PISD: variants seen among roughly 807,000 people sequenced by gnomAD.
PISD encodes phosphatidylserine decarboxylase proenzyme, mitochondrial.
PISD carries 31 observed loss-of-function variants against 43.5 expected under a neutral mutation model. The ratio of observed to expected loss-of-function variants is 0.71; its 90% confidence interval spans 0.54 to 0.96. The LOEUF is 0.96. Among genes scored for constraint, PISD ranks in the 40% least tolerant of loss-of-function variants. The pLI is 0.00. For synonymous variants in PISD, 259 were observed against 228.7 expected (o/e 1.13, Z -1.20); for missense variants, 523 against 548.4 (o/e 0.95, Z 0.46).
rs192033326 is a variant in PISD at position 31,618,708 on chromosome 22, T to A, written c.*904A>T. ...GGGCTCCCCAGGCCTGCGTTCCTGA[T>A]AAACTGGGACAGGTTTTCCAGGCAC... On this transcript the variant is annotated 3_prime_UTR_variant, in exon 8 of 8. Transcript: ENST00000439502. The A allele has an allele frequency of 1.7e-5, 5 of 297,960 alleles. No individual in the cohort carries two copies. The highest frequency in any genetic ancestry group is 1.1e-4 in the African/African-American group (5 of 46,232). 18.5% of individuals were successfully genotyped at this position (297,960 alleles called of 1,614,324 possible).
At chr22:31,626,784 ATGC>A (rs930451201) in intron 3 of PISD, among the ~76,000 whole-genome samples, 3 of 152,230 alleles carry the variant, frequency 2.0e-5, no homozygotes, top group African/African-American at 7.2e-5. Flanking sequence ...AAGAGCAAAC[ATGC>A]TGAAGCTGTG....
chr22:31,619,948 A>G, intron 7 of PISD, 112 bp from the exon 8 acceptor site: 1 of 705,990 alleles, frequency 1.4e-6, no homozygotes, highest in Non-Finnish European at 2.4e-6. Context: ...CCACCACCCA[A>G]CCCAGCTCCA....
chr22:31,622,317 C>T (rs2072629974), intron 3 of PISD, among the ~76,000 whole-genome samples: 1 of 152,220 alleles, frequency 6.6e-6, no homozygotes, highest in Non-Finnish European at 1.5e-5. Context: ...CCCAGACCAC[C>T]AAAGGAGGAG....
chr22:31,648,265 T>C lies in PISD; in HGVS notation c.157A>G (p.Ile53Val). 6.2e-7 allele frequency: 1 copy of C among 1,607,062 alleles called. No individual in the cohort carries two copies. The highest frequency in any genetic ancestry group is 1.1e-5 in the South Asian group (1 of 90,054). The change falls in exon 3 of 8, where the codon ATC (isoleucine) becomes GTC (valine). Residue 53 changes from isoleucine (I) to valine (V), a missense_variant. Ile to Val is a conservative substitution (Grantham distance 29). Transcript: ENST00000439502. ...FRAFRTDARK[I>V]HTAPARTMFL... Reference sequence around the variant, plus strand: ...ATGGTTCGGGCAGGGGCAGTGTGGATTTTTCTGGCATCTGTAATAAAAAAC... The same window carrying C: ...ATGGTTCGGGCAGGGGCAGTGTGGACTTTTCTGGCATCTGTAATAAAAAAC...
rs746558458 is a variant in PISD at position 31,621,404 on chromosome 22, C to G, written c.627G>C (p.Lys209Asn). Residue 209 changes from lysine to asparagine, a missense_variant, in exon 5 of 8, where the codon AAG becomes AAC. Transcript: ENST00000439502. ...ACGACTCCAGGGAGTAGGTGACCCCCTTTACCTGCTCCACCTCACAGTTCT... is the reference window on the plus strand; with the variant it reads ...ACGACTCCAGGGAGTAGGTGACCCCGTTTACCTGCTCCACCTCACAGTTCT... ...QVKNCEVEQV[K>N]GVTYSLESFL... 2 of 1,614,158 alleles carry G rather than the reference C, an allele frequency of 1.2e-6. No homozygotes were observed. The highest frequency in any genetic ancestry group is 1.7e-6 in the Non-Finnish European group (2 of 1,180,004).
chr22:31,619,666 GAAATTGA>G lies in PISD; in HGVS notation c.1169_1175del (p.Phe390SerfsTer3), dbSNP rs750207364. ...GGATTTTCTGTCCTGTTTTCAGCTG[GAAATTGA>G]AGTCCTTGGGGGCCTCGAAGATGAG... is the stretch of plus-strand genomic sequence containing the variant. On this transcript the variant is annotated frameshift_variant, in exon 8 of 8. Transcript: ENST00000439502. LOFTEE classifies it high-confidence loss of function. 2 of 1,614,230 alleles carry G rather than the reference GAAATTGA, an allele frequency of 1.2e-6. No homozygotes were observed. The highest frequency in any genetic ancestry group is 2.2e-5 in the South Asian group (2 of 91,086).
In PISD at chr22:31,662,209, C is replaced by T. The variant is rs1227309284; in HGVS notation, c.-1G>A. On this transcript the variant is annotated 5_prime_UTR_variant, in exon 1 of 8. Transcript: ENST00000439502. ...ATCGGTGCCCCACGGACGTCGCCAT[C>T]TTGTCTGCTCCTTCTCAGCGTGCCA... The T allele has an allele frequency of 1.2e-6, 2 of 1,603,448 alleles. No individual in the cohort carries two copies. The highest frequency in any genetic ancestry group is 3.3e-5 in the Admixed American group (2 of 60,016).
rs1603402406 is a variant in PISD, at chr22:31,630,714, C to A, written c.322-8829G>T. The A allele has an allele frequency of 1.0e-6, 1 of 985,320 alleles. No individual in the cohort carries two copies. The highest frequency in any genetic ancestry group is 1.2e-6 in the Non-Finnish European group (1 of 829,806). The allele number at this position is 985,320 out of a possible 1,614,324, so 61.0% of individuals were successfully genotyped here. ...CCTAGAAGGGCACCCCCACCCGGCA[C>A]TGGCCCTCTGAGCGGGCAGGGTGGG... On this transcript the variant is annotated intron_variant, in intron 3 of 7. Transcript: ENST00000439502. The surrounding 1 kb of genome is among the most constrained non-coding windows in gnomAD (Gnocchi z 4.4).
intron 3 of PISD, 28 bp from the exon 4 acceptor site, chr22:31,621,913 T>G (rs763902762): frequency 3.3e-6 from 5 of 1,525,710 alleles, no homozygotes; most frequent in Non-Finnish European, 3.6e-6. Flanking sequence ...AGGGGCTGAG[T>G]TGACCACACT....
intron 3 of PISD, among the ~76,000 whole-genome samples, chr22:31,628,688 C>G (rs1177939366): frequency 2.0e-5 from 3 of 152,198 alleles, no homozygotes; most frequent in Admixed American, 2.0e-4. Flanking sequence ...CAGGTAGTCT[C>G]TAAGTCTTGG....
Position 31,625,850 on chromosome 22 carries a change from C to T in PISD, c.322-3965G>A, listed in dbSNP as rs11556539. ...CAGGGAGGGCGGGGCGAGGCTCACT[C>T]GATCACTCCCTTTGTTTTCCTCTTT... On this transcript the variant is annotated intron_variant, in intron 3 of 7. Coordinates refer to ENST00000439502, the MANE Select transcript of PISD (RefSeq NM_001326411.2). The T allele has an allele frequency of 0.1, 157,045 of 1,577,778 alleles. 10,598 individuals carry two copies. Among genetic ancestry groups the T allele is most frequent in the East Asian group, 0.33 (14,256 of 43,286 alleles).
At position 31,622,934 on chromosome 22, in the gene PISD, C is replaced by T. The variant is rs1188185783; in HGVS notation, c.322-1049G>A. Among the ~76,000 whole-genome samples the T allele has an allele frequency of 2.6e-5, 4 of 152,380 alleles. No individual in the cohort carries two copies. In the East Asian group the frequency reaches 7.7e-4, roughly 29 times the overall value. ...TTTCATTCCAACTTTCAACACCTCTCCAAGGTAAGGTAAGCTCCCAGAGAG... is the reference window on the plus strand; with the variant it reads ...TTTCATTCCAACTTTCAACACCTCTTCAAGGTAAGGTAAGCTCCCAGAGAG... On this transcript the variant is annotated intron_variant, in intron 3 of 7. Transcript: ENST00000439502.
intron 3 of PISD, among the ~76,000 whole-genome samples, chr22:31,636,588 G>A (rs755939981): frequency 2.7e-5 from 4 of 147,552 alleles, no homozygotes; most frequent in Non-Finnish European, 5.9e-5. Flanking sequence ...CTCCCAGTCT[G>A]GAGTGCAGTG....
In PISD at chr22:31,620,685, C is replaced by T. The variant is rs76005862; in HGVS notation, c.873G>A (p.Met291Ile). Residue 291 changes from methionine to isoleucine, a missense_variant, in exon 7 of 8, where the codon ATG becomes ATA. Transcript: ENST00000439502. Reference sequence around the variant, plus strand: ...AGAAGAGCTCTTTGATCCAGCGAGCCATGCCAGGGTTCACTGACATCAGGG... The same window carrying T: ...AGAAGAGCTCTTTGATCCAGCGAGCTATGCCAGGGTTCACTGACATCAGGG... ...PGSLMSVNPGMARWIKELFCH... is the reference protein window; with the variant it reads ...PGSLMSVNPGIARWIKELFCH... 1 of 1,614,238 alleles carries T rather than the reference C, an allele frequency of 6.2e-7. No individual in the cohort carries two copies. Among genetic ancestry groups the T allele is most frequent in the Non-Finnish European group, 8.5e-7 (1 of 1,180,034 alleles).
chr22:31,631,848 A>G (rs2073218849), intron 3 of PISD, among the ~76,000 whole-genome samples: 1 of 152,214 alleles, frequency 6.6e-6, no homozygotes, highest in South Asian at 2.1e-4. Context: ...TAGAAGTCTC[A>G]GTCTCCTCAT....
At chr22:31,641,343 G>A (rs772040222) in intron 3 of PISD, among the ~76,000 whole-genome samples, 18 of 152,082 alleles carry the variant, frequency 1.2e-4, no homozygotes, top group Non-Finnish European at 1.3e-4. Context: ...CCAAATAAGG[G>A]TGACCTGAAC....
Position 31,630,660 on chromosome 22 carries a change from G to C in PISD, c.322-8775C>G. The C allele has an allele frequency of 1.1e-6, 1 of 921,646 alleles. No individual in the cohort carries two copies. Among genetic ancestry groups the C allele is most frequent in the Non-Finnish European group, 1.3e-6 (1 of 771,568 alleles). 57.1% of individuals were successfully genotyped at this position (921,646 alleles called of 1,614,324 possible). ...CTCAGGCCGGGGCCGCGTCGTCACA[G>C]CTGGGAGAGCCCACCTGCGACCGAA... On this transcript the variant is annotated intron_variant, in intron 3 of 7. Transcript: ENST00000439502. The surrounding 1 kb of genome is among the most constrained non-coding windows in gnomAD (Gnocchi z 4.4).
chr22:31,622,624 T>C (rs1436907558), intron 3 of PISD, among the ~76,000 whole-genome samples: 1 of 152,228 alleles, frequency 6.6e-6, no homozygotes, highest in Non-Finnish European at 1.5e-5. Context: ...TAAAGCCATC[T>C]GCACCTGGGG....
intron 3 of PISD, 65 bp from the exon 4 acceptor site, chr22:31,621,950 T>G (rs545264794): frequency 2.5e-6 from 3 of 1,218,436 alleles, no homozygotes; most frequent in East Asian, 4.7e-5. Context: ...GCCCAAGTAG[T>G]GTCATTAGCC....
Sources: gnomAD v4.1 joint callset for allele counts (sites outside exome capture counted in the v4.1 genomes callset) on GRCh38, gnomAD v4.1.1 for gene constraint, Gnocchi (gnomAD v3.1) non-coding constraint, MANE v1.5 for transcripts, NCBI Gene and HGNC (gene_info 2026-07-23, HGNC 2026-07-21) for gene names.